The following GATA3 variants were observed in gnomAD, a reference collection of about 807,000 sequenced individuals.
The protein encoded by GATA3 is GATA binding protein 3.
Under a neutral mutation model 36.0 loss-of-function variants are expected in GATA3, and 6 were observed. The observed-to-expected ratio is 0.17, with a 90% CI of 0.09 to 0.33. GATA3 has a LOEUF of 0.33. GATA3 is among the 10% of genes least tolerant of loss of function. The probability of loss-of-function intolerance (pLI) is 1.00; values close to 1 mark genes in which losing one functional copy is unlikely to be tolerated. For synonymous variants in GATA3, 326 were observed against 273.0 expected, an observed-to-expected ratio of 1.19 and a Z score of -1.92; for missense variants, 514 against 610.1, an observed-to-expected ratio of 0.84 and a Z score of 1.66.
At chr10:8,064,568 G>T (rs34060810) in intron 4 of GATA3, among the ~76,000 whole-genome samples, 1 of 152,150 alleles carries the variant, frequency 6.6e-6, no homozygotes, top group South Asian at 2.1e-4. Flanking sequence ...TCCAGAATGG[G>T]TTCCTGAAGT....
At chr10:8,057,065 C>G (rs1199841104) in intron 2 of GATA3, among the ~76,000 whole-genome samples, 1 of 152,168 alleles carries the variant, frequency 6.6e-6, no homozygotes, top group Non-Finnish European at 1.5e-5. Context: ...CGCTCTTTGC[C>G]CACGTTCTGT....
At chr10:8,052,496 T>G (rs1347347475), upstream of GATA3, 1 of 152,250 alleles carries the variant, frequency 6.6e-6, no homozygotes, top group East Asian at 1.9e-4. Flanking sequence ...GGGACTTCTC[T>G]CTTCGGCTCT....
upstream of GATA3, among the ~76,000 whole-genome samples, chr10:8,049,663 C>T (rs542949511): frequency 1.3e-5 from 2 of 152,192 alleles, no homozygotes; most frequent in African/African-American, 4.8e-5. Context: ...TACAGCTTTA[C>T]CTGTGCTATA....
At position 8,074,052 on chromosome 10, in the gene GATA3, A is replaced by T. The variant is rs771208286; in HGVS notation, c.*29A>T. On this transcript the variant is annotated 3_prime_UTR_variant, in exon 6 of 6. Transcript: ENST00000379328. Reference sequence around the variant, plus strand: ...CCTGCTCGATGCTCACAGGGCCCCCAGCGAGAGTCCCTGCAGTCCCTTTCG... The same window carrying T: ...CCTGCTCGATGCTCACAGGGCCCCCTGCGAGAGTCCCTGCAGTCCCTTTCG... The T allele has an allele frequency of 1.9e-5, 31 of 1,612,400 alleles. No individual in the cohort carries two copies. In the African/African-American group the frequency reaches 3.9e-4, roughly 20 times the overall value.
At chr10:8,049,061 G>A (rs868458946), upstream of GATA3, among the ~76,000 whole-genome samples, 9 of 149,240 alleles carry the variant, frequency 6.0e-5, no homozygotes, top group Non-Finnish European at 7.4e-5. Context: ...AGTTTTAAAC[G>A]GTGATCGATG....
chr10:8,068,734 C>G (rs1430513061), intron 4 of GATA3, among the ~76,000 whole-genome samples: 1 of 152,188 alleles, frequency 6.6e-6, no homozygotes, highest in Non-Finnish European at 1.5e-5. Flanking sequence ...GCCTGGGTGA[C>G]AGAGCGAGAC....
chr10:8,062,361 A>ATTT lies in GATA3; in HGVS notation c.779-1618_779-1616dup, dbSNP rs55716625. Among the ~76,000 whole-genome samples, 876 of 142,848 alleles carry ATTT rather than the reference A, an allele frequency of 6.1e-3. 8 individuals are homozygous for ATTT. The highest frequency in any genetic ancestry group is 0.022 in the African/African-American group (829 of 38,348). 93.7% of individuals were successfully genotyped at this position (142,848 alleles called of 152,430 possible). On this transcript the variant is annotated intron_variant, in intron 3 of 5. Transcript: ENST00000379328. The stretch of plus-strand genomic sequence containing the variant: ...AAAAAAAAACCTCTCTTACATCCTC[A>ATTT]TTTTTTTTTTTTTTTTAAAAAACAA...
chr10:8,051,391 C>A (rs1397936478), upstream of GATA3: 3 of 232,112 alleles, frequency 1.3e-5, no homozygotes, highest in Non-Finnish European at 2.7e-5. Flanking sequence ...AGGCGGTGGC[C>A]GCGCCGTCGC....
intron 3 of GATA3, among the ~76,000 whole-genome samples, chr10:8,063,342 G>C (rs943068884): frequency 6.6e-6 from 1 of 152,260 alleles, no homozygotes; most frequent in East Asian, 1.9e-4. Context: ...GGAAAGCTAT[G>C]GAAACCCCTG....
chr10:8,060,074 C>G (rs940654191), intron 3 of GATA3, among the ~76,000 whole-genome samples: 1 of 152,160 alleles, frequency 6.6e-6, no homozygotes, highest in African/African-American at 2.4e-5. Context: ...CTCTGGGAGC[C>G]CAGTGACCAT....
intron 1 of GATA3, among the ~76,000 whole-genome samples, chr10:8,046,216 C>G (rs1252217286): frequency 6.6e-6 from 1 of 152,214 alleles, no homozygotes; most frequent in African/African-American, 2.4e-5. Context: ...AAAAGTCACT[C>G]AGAGGCAGTT....
Position 8,074,111 on chromosome 10 carries a change from C to A in GATA3, c.*88C>A. 1 of 1,454,674 alleles carries A rather than the reference C, an allele frequency of 6.9e-7. No individual in the cohort carries two copies. The highest frequency in any genetic ancestry group is 9.4e-7 in the Non-Finnish European group (1 of 1,064,172). The allele number at this position is 1,454,674 out of a possible 1,614,324, so 90.1% of individuals were successfully genotyped here. A position where few individuals can be genotyped will look rare whatever the true frequency, so the allele number is the denominator to read the frequency against. On this transcript the variant is annotated 3_prime_UTR_variant, in exon 6 of 6. Transcript: ENST00000379328. ...TTTTGCAGGAGCAGTATCATGAAGC[C>A]TAAACGCGATGGATATATGTTTTTG...
chr10:8,065,130 C>T (rs1316049215), intron 4 of GATA3, among the ~76,000 whole-genome samples: 6 of 151,844 alleles, frequency 4.0e-5, no homozygotes, highest in South Asian at 2.1e-4. Flanking sequence ...TAGCATCCAT[C>T]AATTTCTAAG....
intron 1 of GATA3, among the ~76,000 whole-genome samples, chr10:8,048,436 C>T (rs12257016): frequency 0.018 from 2,713 of 152,316 alleles, 89 homozygotes; most frequent in African/African-American, 0.062. Flanking sequence ...GGTGCTATAG[C>T]GGTGTGGCTG....
upstream of GATA3, among the ~76,000 whole-genome samples, chr10:8,053,997 C>T (rs752344970): frequency 2.0e-5 from 3 of 152,126 alleles, no homozygotes; most frequent in Non-Finnish European, 2.9e-5. The surrounding 1 kb of genome is among the most constrained non-coding windows in gnomAD (Gnocchi z 5.1). Flanking sequence ...ACAGCTGAAG[C>T]GTGTTCACTC....
chr10:8,046,066 T>C (rs1832382974), intron 1 of GATA3, among the ~76,000 whole-genome samples: 1 of 152,116 alleles, frequency 6.6e-6, no homozygotes, highest in African/African-American at 2.4e-5. Context: ...TCCGGAGGCT[T>C]CTTTGCTTCC....
rs535331291 is a variant in GATA3 at position 8,058,387 on chromosome 10, C to T, written c.324C>T (p.Thr108=). Residue 108 remains threonine (T), a synonymous_variant, in exon 3 of 6, where the codon ACC becomes ACT. Transcript: ENST00000379328. ...DGGKALGSHH[T]ASPWNLSPFS... ...GCAAAGCCCTGGGCAGCCACCACAC[C>T]GCCTCCCCCTGGAATCTCAGCCCCT... is the stretch of plus-strand genomic sequence containing the variant. The T allele has an allele frequency of 3.2e-5, 51 of 1,612,824 alleles. No individual in the cohort carries two copies. In the Admixed American group the frequency reaches 3.3e-4, roughly 11 times the overall value.
chr10:8,066,830 A>C (rs1041275564), intron 4 of GATA3, among the ~76,000 whole-genome samples: 1 of 152,120 alleles, frequency 6.6e-6, no homozygotes, highest in Non-Finnish European at 1.5e-5. Context: ...GTTCCCATAA[A>C]GTTTGTAGTA....
At chr10:8,065,082 G>A (rs958637610) in intron 4 of GATA3, among the ~76,000 whole-genome samples, 7 of 152,052 alleles carry the variant, frequency 4.6e-5, no homozygotes, top group Non-Finnish European at 7.4e-5. Context: ...GTCGAGATGG[G>A]AGGAGGGGAA....
Sources: allele counts gnomAD v4.1 joint callset (sites outside exome capture counted in the v4.1 genomes callset), GRCh38; gene constraint gnomAD v4.1.1; non-coding constraint Gnocchi (gnomAD v3.1); transcripts MANE v1.5; gene names NCBI Gene and HGNC (gene_info 2026-07-23, HGNC 2026-07-21).